The following TJP1 variants were observed in gnomAD, a reference collection of about 807,000 sequenced individuals.
TJP1 encodes tight junction protein 1.
In TJP1, 43 loss-of-function variants were observed where a neutral mutation model predicts 194.2. The ratio of observed to expected loss-of-function variants is 0.22; its 90% CI spans 0.17 to 0.29. The LOEUF is 0.29. Ranked by LOEUF, TJP1 falls within the 10% of genes least tolerant of loss-of-function variation. The pLI, the probability that TJP1 is intolerant of heterozygous loss-of-function variation, is 1.00. For synonymous variants in TJP1, 801 were observed against 779.0 expected, an observed-to-expected ratio of 1.03 and a Z score of -0.47; for missense variants, 1,971 against 2,185.7, an observed-to-expected ratio of 0.90 and a Z score of 1.96.
In TJP1 at chr15:29,761,669, C is replaced by T. The variant is rs750980244; in HGVS notation, c.794G>A (p.Arg265Gln). The change falls in exon 7 of 28, where the codon CGG becomes CAG. Residue 265 changes from arginine (R) to glutamine (Q), a missense_variant. Physicochemically the swap from Arg to Gln is conservative, Grantham distance 43. This residue lies in a region of TJP1 where 245 missense variants were observed against 336.6 expected (regional missense o/e 0.73). Coordinates refer to ENST00000614355, the MANE Select transcript of TJP1 (RefSeq NM_001330239.4). ...KLKMVVQRDE[R>Q]ATLLNVPDLS... is the part of the protein sequence containing the mutation. The stretch of plus-strand genomic sequence containing the variant: ...ATCAGGGACATTCAATAGCGTAGCC[C>T]GTTCATCTCTTTGAACTACCATTTT... The T allele has an allele frequency of 2.0e-5, 33 of 1,610,758 alleles. No homozygotes were observed. The highest frequency in any genetic ancestry group is 4.5e-5 in the East Asian group (2 of 44,788).
intron 7 of TJP1, 111 bp from the exon 8 acceptor site, chr15:29,761,397 G>T (rs1481184338): frequency 7.3e-7 from 1 of 1,369,808 alleles, no homozygotes; most frequent in Non-Finnish European, 9.9e-7. Flanking sequence ...ATATAAAATG[G>T]AAGATTTATG....
At chr15:29,710,394 T>A (rs2042167642) in intron 24 of TJP1, among the ~76,000 whole-genome samples, 1 of 152,238 alleles carries the variant, frequency 6.6e-6, no homozygotes, top group Admixed American at 6.5e-5. Context: ...TGTTATATGC[T>A]GAGGGTAAAA....
Position 29,761,193 on chromosome 15 carries a change from C to T in TJP1, c.956G>A (p.Arg319Gln), listed in dbSNP as rs780286880. ...RRSRSRSPDQRSEPSDHSRHS... is the reference protein window; with the variant it reads ...RRSRSRSPDQQSEPSDHSRHS... ...CCTGGAATGATCAGAAGGCTCTGAC[C>T]GCTGGTCAGGAGATCGTGACCGGCT... The change falls in exon 8 of 28, where the codon CGG becomes CAG. Residue 319 changes from arginine to glutamine, a missense_variant. Coordinates refer to ENST00000614355, the MANE Select transcript of TJP1 (RefSeq NM_001330239.4). 1.7e-5 allele frequency: 28 copies of T among 1,613,876 alleles called. No homozygotes were observed. In the East Asian group the frequency reaches 4.5e-4, roughly 26 times the overall value.
chr15:29,869,015 A>G (rs537711712), intron 2 of TJP1, among the ~76,000 whole-genome samples: 1 of 152,206 alleles, frequency 6.6e-6, no homozygotes, highest in Non-Finnish European at 1.5e-5. Context: ...ATAAAGGTAT[A>G]TTATATTATT....
At chr15:29,765,927 G>T (rs1566980961) in intron 5 of TJP1, among the ~76,000 whole-genome samples, 1 of 152,084 alleles carries the variant, frequency 6.6e-6, no homozygotes, top group Non-Finnish European at 1.5e-5. Flanking sequence ...ACACTCCCAA[G>T]ATTTCTCTCC....
At chr15:29,870,171 C>A (rs1043672061) in intron 2 of TJP1, among the ~76,000 whole-genome samples, 35 of 151,066 alleles carry the variant, frequency 2.3e-4, no homozygotes, top group Non-Finnish European at 4.6e-4. Flanking sequence ...ATTTATATAG[C>A]CCAGAGCAGA....
intron 2 of TJP1, among the ~76,000 whole-genome samples, chr15:29,949,122 C>A (rs1159799319): frequency 2.0e-5 from 3 of 150,250 alleles, no homozygotes; most frequent in Admixed American, 1.3e-4. Context: ...ACCTCTACAA[C>A]CACCACCTCC....
intron 2 of TJP1, among the ~76,000 whole-genome samples, chr15:29,781,176 C>G (rs2047348045): frequency 6.6e-6 from 1 of 152,150 alleles, no homozygotes; most frequent in African/African-American, 2.4e-5. Flanking sequence ...AAGTAACCAT[C>G]AGAGAATACT....
chr15:29,949,646 ACCACCACCTCCACCT>A (rs2055540485), intron 2 of TJP1, among the ~76,000 whole-genome samples: 1 of 97,138 alleles, frequency 1.0e-5, no homozygotes, highest in Non-Finnish European at 2.1e-5. Flanking sequence ...CACCTCCACC[ACCACCACCTCCACCT>A]CCACAACCAC....
chr15:29,803,801 C>G (rs543238298), intron 1 of TJP1, among the ~76,000 whole-genome samples: 66 of 152,128 alleles, frequency 4.3e-4, no homozygotes, highest in Admixed American at 3.9e-3. Context: ...CTCACCATTC[C>G]ACATCAAAAT....
chr15:29,848,631 G>T (rs2051513030), intron 2 of TJP1, among the ~76,000 whole-genome samples: 1 of 152,142 alleles, frequency 6.6e-6, no homozygotes, highest in South Asian at 2.1e-4. Context: ...GGAAGCCAAG[G>T]CGAGCGGATC....
intron 2 of TJP1, among the ~76,000 whole-genome samples, chr15:29,890,207 T>C (rs2053257730): frequency 6.6e-6 from 1 of 151,796 alleles, no homozygotes; most frequent in African/African-American, 2.4e-5. Context: ...CGGGGTGGGA[T>C]CCCGCTGCCA....
At chr15:29,728,691 G>C (rs1161009398) in intron 15 of TJP1, 1 of 152,274 alleles carries the variant, frequency 6.6e-6, no homozygotes, top group Non-Finnish European at 1.5e-5. Flanking sequence ...TGTGACTCTG[G>C]TCACAAGGAA....
At chr15:29,833,857 G>GTACATATA (rs1555433943) in intron 2 of TJP1, among the ~76,000 whole-genome samples, 1 of 25,836 alleles carries the variant, frequency 3.9e-5, no homozygotes, top group Admixed American at 6.1e-4. Flanking sequence ...ATTTTTGTAA[G>GTACATATA]TATATATATA....
chr15:29,699,482 G>C (rs1444024120), downstream of TJP1: 2 of 152,286 alleles, frequency 1.3e-5, no homozygotes, highest in African/African-American at 4.8e-5. Context: ...AATGATTAGA[G>C]AAGATAAAGA....
intron 2 of TJP1, among the ~76,000 whole-genome samples, chr15:29,941,701 C>T (rs1457308966): frequency 6.6e-6 from 1 of 152,180 alleles, no homozygotes; most frequent in Middle Eastern, 3.2e-3. Flanking sequence ...CTTCGTTATC[C>T]CCCAAGGCAC....
intron 2 of TJP1, among the ~76,000 whole-genome samples, chr15:29,832,800 C>T (rs1267383132): frequency 6.6e-6 from 1 of 152,216 alleles, no homozygotes; most frequent in African/African-American, 2.4e-5. Context: ...CTGGCTTTGC[C>T]GCTGGTCAAC....
At chr15:29,784,508 TGGC>T (rs1467632980) in intron 2 of TJP1, among the ~76,000 whole-genome samples, 2 of 152,138 alleles carry the variant, frequency 1.3e-5, no homozygotes, top group African/African-American at 4.8e-5. Context: ...TTCGCCGTGT[TGGC>T]CAGGCTTGTC....
chr15:29,905,674 A>G (rs1250241171), intron 2 of TJP1, among the ~76,000 whole-genome samples: 1 of 152,236 alleles, frequency 6.6e-6, no homozygotes, highest in Non-Finnish European at 1.5e-5. Flanking sequence ...AGTTTAGAAT[A>G]TTATTTAGCA....
Sources: gnomAD v4.1 joint callset for allele counts (sites outside exome capture counted in the v4.1 genomes callset) on GRCh38, gnomAD v4.1.1 for gene constraint, gnomAD v4.1.1 regional missense constraint, MANE v1.5 for transcripts, NCBI Gene and HGNC (gene_info 2026-07-23, HGNC 2026-07-21) for gene names.